NDUFB9: variants seen among roughly 807,000 people sequenced by gnomAD.
The protein encoded by NDUFB9 is NADH:ubiquinone oxidoreductase subunit B9.
Under a neutral mutation model 30.2 loss-of-function variants are expected in NDUFB9, and 24 were observed. That is an observed-to-expected ratio of 0.80 (90% CI 0.58 to 1.12). The LOEUF (loss-of-function observed/expected upper bound fraction) is 1.12. Among genes scored for constraint, NDUFB9 ranks in the 50% most tolerant of loss-of-function variants. The probability of loss-of-function intolerance (pLI) is 0.00; values close to 1 mark genes in which losing one functional copy is unlikely to be tolerated. For missense variants in NDUFB9, 204 were observed against 226.0 expected, an observed-to-expected ratio of 0.90 and a Z score of 0.62; for synonymous variants, 80 against 84.0, an observed-to-expected ratio of 0.95 and a Z score of 0.26.
In NDUFB9 at chr8:124,543,284, G is replaced by T. The variant is rs1085307890; in HGVS notation, c.294+5G>T. On this transcript the variant is annotated splice_donor_5th_base_variant and intron_variant, in intron 2 of 3. Coordinates refer to ENST00000276689, the MANE Select transcript of NDUFB9 (RefSeq NM_005005.3). ...GAGAGATACGATTGCTACAAGGTAG[G>T]TGAGAATTATGATGACTGCCTTCTG... 6.2e-7 allele frequency: 1 copy of T among 1,612,216 alleles called. No homozygotes were observed. The highest frequency in any genetic ancestry group is 1.1e-5 in the South Asian group (1 of 91,050).
intron 3 of NDUFB9, 150 bp downstream of exon 3, chr8:124,547,263 A>G (rs182460590): frequency 9.8e-6 from 7 of 717,592 alleles, no homozygotes; most frequent in Middle Eastern, 2.4e-4. Flanking sequence ...TATCAATTTA[A>G]CATTTATAAT....
Position 124,542,879 on chromosome 8 carries a change from G to C in NDUFB9, c.102-208G>C, listed in dbSNP as rs1822055220. ...ATGTAAGAGGAGAAAAATGGTTAGG[G>C]TATATATTTAATACAGTATTTTTTT... On this transcript the variant is annotated intron_variant, in intron 1 of 3. Coordinates refer to ENST00000276689, the MANE Select transcript of NDUFB9 (RefSeq NM_005005.3). 2.2e-4 allele frequency: 119 copies of C among 544,376 alleles called. 2 individuals carry two copies. The South Asian group carries it at 2.5e-3, about 11-fold the overall frequency. 33.7% of individuals were successfully genotyped at this position (544,376 alleles called of 1,614,324 possible). A position where few individuals can be genotyped will look rare whatever the true frequency, so the allele number is the denominator to read the frequency against.
At chr8:124,544,951 G>A (rs552515403) in intron 2 of NDUFB9, among the ~76,000 whole-genome samples, 2 of 152,150 alleles carry the variant, frequency 1.3e-5, no homozygotes, top group African/African-American at 4.8e-5. Flanking sequence ...AGCTTTAACG[G>A]GGTTGGAAGA....
intron 3 of NDUFB9, among the ~76,000 whole-genome samples, chr8:124,548,413 T>A (rs915643129): frequency 5.3e-5 from 8 of 152,162 alleles, no homozygotes; most frequent in African/African-American, 1.9e-4. Context: ...CTTTTTTTAG[T>A]GAAATAAGAG....
At chr8:124,548,123 G>C (rs993381764) in intron 3 of NDUFB9, among the ~76,000 whole-genome samples, 1 of 152,184 alleles carries the variant, frequency 6.6e-6, no homozygotes, top group African/African-American at 2.4e-5. Context: ...TTTTGGAAGT[G>C]TGAAGTTTTG....
Position 124,547,094 on chromosome 8 carries a change from G to T in NDUFB9, c.389G>T (p.Arg130Met). The T allele has an allele frequency of 6.2e-7, 1 of 1,613,236 alleles. No homozygotes were observed. The highest frequency in any genetic ancestry group is 8.5e-7 in the Non-Finnish European group (1 of 1,179,362). The change falls in exon 3 of 4, where the codon AGG becomes ATG. Residue 130 changes from arginine (R) to methionine (M), a missense_variant. By Grantham distance (91) the Arg-to-Met change is moderately conservative. Transcript: ENST00000276689. ...AGAGAACAGTGGAAGAAACTGCGGA[G>T]GGAAAGCTGGGAACGAGAGGTGCGT... ...AKREQWKKLR[R>M]ESWEREVKQL...
chr8:124,546,887 G>A lies in NDUFB9; in HGVS notation c.295-113G>A. ...TAGAGTTAGAAACAGTCTGGTAGTT[G>A]CAGTGGTTATAAAAATATATCTTGA... On this transcript the variant is annotated intron_variant, in intron 2 of 3. Transcript: ENST00000276689. The A allele has an allele frequency of 2.5e-6, 2 of 801,590 alleles. 1 individual carries two copies. Among genetic ancestry groups the A allele is most frequent in the South Asian group, 2.7e-5 (2 of 74,300 alleles). 49.7% of individuals were successfully genotyped at this position (801,590 alleles called of 1,614,324 possible).
At chr8:124,541,968 G>A (rs1563706375) in intron 1 of NDUFB9, among the ~76,000 whole-genome samples, 1 of 149,884 alleles carries the variant, frequency 6.7e-6, no homozygotes. Context: ...AGGCTGGAGT[G>A]CAAATGGCAC....
At chr8:124,540,994 C>T (rs545845231) in intron 1 of NDUFB9, among the ~76,000 whole-genome samples, 16 of 152,166 alleles carry the variant, frequency 1.1e-4, no homozygotes, top group Admixed American at 7.2e-4. Context: ...TGTGAAACCG[C>T]GTCTCTACTA....
chr8:124,543,935 T>G (rs1277289663), intron 2 of NDUFB9, among the ~76,000 whole-genome samples: 1 of 152,226 alleles, frequency 6.6e-6, no homozygotes, highest in Non-Finnish European at 1.5e-5. Flanking sequence ...CTAGAAATGA[T>G]TAAGCTTAGT....
rs1821806412 is a variant in NDUFB9 at position 124,539,231 on chromosome 8, G to C, written c.45G>C (p.Lys15Asn). 3 of 1,614,112 alleles carry C rather than the reference G, an allele frequency of 1.9e-6. No homozygotes were observed. Among genetic ancestry groups the C allele is most frequent in the South Asian group, 1.1e-5 (1 of 91,090 alleles). The change falls in exon 1 of 4, where the codon AAG becomes AAC. Residue 15 changes from lysine (K) to asparagine (N), a missense_variant. Lys to Asn is a moderately conservative substitution (Grantham distance 94). Coordinates refer to ENST00000276689, the MANE Select transcript of NDUFB9 (RefSeq NM_005005.3). ...ASGPYLTHQQ[K>N]VLRLYKRALR... ...GACCCTACCTGACCCATCAGCAAAAGGTGTTGCGGCTTTATAAGCGGGCGC... is the reference window on the plus strand; with the variant it reads ...GACCCTACCTGACCCATCAGCAAAACGTGTTGCGGCTTTATAAGCGGGCGC...
At chr8:124,541,486 G>A (rs1188893173) in intron 1 of NDUFB9, among the ~76,000 whole-genome samples, 1 of 152,218 alleles carries the variant, frequency 6.6e-6, no homozygotes, top group East Asian at 1.9e-4. Flanking sequence ...CACTTGGGAT[G>A]TACCAGGCAC....
chr8:124,540,314 C>T (rs781523769), intron 1 of NDUFB9, among the ~76,000 whole-genome samples: 1 of 152,262 alleles, frequency 6.6e-6, no homozygotes, highest in Non-Finnish European at 1.5e-5. Flanking sequence ...ATTCTATGCT[C>T]TATGCTAAAT....
At chr8:124,546,743 G>T in intron 2 of NDUFB9, 1 of 534,862 alleles carries the variant, frequency 1.9e-6, no homozygotes, top group Non-Finnish European at 3.3e-6. Flanking sequence ...AGGCAGGTAG[G>T]GGAGGAATGA....
rs921326148 is a variant in NDUFB9 at position 124,539,139 on chromosome 8, C to G, written c.-48C>G. ...GCCCCGCTCAGTCACCCGCAGCAGG[C>G]GTGCAGTTTCCCGGCTCTCCGCGCG... On this transcript the variant is annotated 5_prime_UTR_variant, in exon 1 of 4. Transcript: ENST00000276689. 2.5e-6 allele frequency: 4 copies of G among 1,613,048 alleles called. No individual in the cohort carries two copies. Among genetic ancestry groups the G allele is most frequent in the Non-Finnish European group, 3.4e-6 (4 of 1,179,018 alleles).
chr8:124,542,883 A>G lies in NDUFB9; in HGVS notation c.102-204A>G, dbSNP rs1379888428. 9.7e-6 allele frequency: 5 copies of G among 514,822 alleles called. No homozygotes were observed. In the Admixed American group the frequency reaches 9.8e-5, roughly 10 times the overall value. 31.9% of individuals were successfully genotyped at this position (514,822 alleles called of 1,614,324 possible). On this transcript the variant is annotated intron_variant, in intron 1 of 3. Transcript: ENST00000276689. The stretch of plus-strand genomic sequence containing the variant: ...AAGAGGAGAAAAATGGTTAGGGTAT[A>G]TATTTAATACAGTATTTTTTTGCTG...
chr8:124,540,148 C>G (rs1171727890), intron 1 of NDUFB9, among the ~76,000 whole-genome samples: 1 of 152,188 alleles, frequency 6.6e-6, no homozygotes, highest in Non-Finnish European at 1.5e-5. Context: ...AGGGTACCCT[C>G]GAAGCCCAGA....
In NDUFB9 at chr8:124,549,921, G is replaced by A; in HGVS notation, c.*29G>A. On this transcript the variant is annotated 3_prime_UTR_variant, in exon 4 of 4. Transcript: ENST00000276689. ...GAGAGAGACCTCATCTTTCATGCTT[G>A]CAAGTGAAATATGTTACAGAACATG... 6.2e-7 allele frequency: 1 copy of A among 1,613,972 alleles called. No individual in the cohort carries two copies. The highest frequency in any genetic ancestry group is 8.5e-7 in the Non-Finnish European group (1 of 1,179,928).
chr8:124,540,386 G>A (rs1030544719), intron 1 of NDUFB9, among the ~76,000 whole-genome samples: 4 of 152,166 alleles, frequency 2.6e-5, no homozygotes, highest in African/African-American at 9.7e-5. Context: ...GGGGAAAATG[G>A]ACATGTAAAC....
Sources: allele counts gnomAD v4.1 joint callset (sites outside exome capture counted in the v4.1 genomes callset), GRCh38; gene constraint gnomAD v4.1.1; transcripts MANE v1.5; gene names NCBI Gene and HGNC (gene_info 2026-07-23, HGNC 2026-07-21).